The following DCC variants were observed in gnomAD, a reference collection of about 807,000 sequenced individuals.
DCC encodes netrin receptor DCC.
Under a neutral mutation model 172.5 loss-of-function variants are expected in DCC, and 58 were observed. The observed-to-expected ratio is 0.34, with a 90% confidence interval of 0.27 to 0.42. The LOEUF (loss-of-function observed/expected upper bound fraction) is 0.42, where lower values mean the gene tolerates loss of function less well. Ranked by LOEUF, DCC falls within the 10% of genes least tolerant of loss-of-function variation. The probability of loss-of-function intolerance (pLI) is 1.00; values close to 1 mark genes in which losing one functional copy is unlikely to be tolerated. For synonymous variants in DCC, 709 were observed against 644.5 expected, an observed-to-expected ratio of 1.10 and a Z score of -1.52; for missense variants, 1,740 against 1,791.0, an observed-to-expected ratio of 0.97 and a Z score of 0.51.
chr18:53,259,275 C>T (rs554242051), intron 12 of DCC, among the ~76,000 whole-genome samples: 4 of 152,238 alleles, frequency 2.6e-5, no homozygotes, highest in East Asian at 1.9e-4. Flanking sequence ...GGTTATTTTG[C>T]TCATTAGTTG....
chr18:53,487,847 G>A (rs958642558), intron 26 of DCC, among the ~76,000 whole-genome samples: 14 of 151,954 alleles, frequency 9.2e-5, no homozygotes, highest in East Asian at 3.9e-4. Flanking sequence ...GCAAAAACTC[G>A]AGGAAAAATA....
chr18:52,548,414 A>G (rs1252259722), intron 1 of DCC, among the ~76,000 whole-genome samples: 1 of 152,114 alleles, frequency 6.6e-6, no homozygotes, highest in Non-Finnish European at 1.5e-5. Context: ...GAAGACTTTC[A>G]AGGCTAAAAC....
chr18:52,784,336 C>G (rs1371508288), intron 2 of DCC, among the ~76,000 whole-genome samples: 1 of 152,006 alleles, frequency 6.6e-6, no homozygotes, highest in Non-Finnish European at 1.5e-5. Flanking sequence ...TACTTAGATT[C>G]CTATCTTGGC....
At chr18:52,944,167 G>T (rs1197709748) in intron 5 of DCC, among the ~76,000 whole-genome samples, 1 of 152,126 alleles carries the variant, frequency 6.6e-6, no homozygotes, top group Non-Finnish European at 1.5e-5. Flanking sequence ...TTTACACAAG[G>T]AATAAGAAAA....
At chr18:52,847,987 G>A (rs1431750) in intron 2 of DCC, among the ~76,000 whole-genome samples, 4,071 of 151,772 alleles carry the variant, frequency 0.027, 162 homozygotes, top group African/African-American at 0.09. Context: ...ATTTAAGTCT[G>A]ATAAATTACC....
At chr18:52,439,332 C>G (rs993974930) in intron 1 of DCC, among the ~76,000 whole-genome samples, 1 of 151,930 alleles carries the variant, frequency 6.6e-6, no homozygotes, top group African/African-American at 2.4e-5. Context: ...AAGTATACTA[C>G]CCACACTGCA....
chr18:52,451,039 A>G (rs57776084), intron 1 of DCC, among the ~76,000 whole-genome samples: 3,540 of 152,294 alleles, frequency 0.023, 128 homozygotes, highest in African/African-American at 0.081. Flanking sequence ...AGGTTAGGTG[A>G]CCAGCTATTG....
chr18:53,279,225 T>C (rs372730697), intron 12 of DCC, among the ~76,000 whole-genome samples: 4 of 152,016 alleles, frequency 2.6e-5, no homozygotes, highest in East Asian at 1.9e-4. Context: ...CTATTCACAA[T>C]AGCAAAGACT....
chr18:53,463,810 T>A (rs1401072975), intron 24 of DCC, among the ~76,000 whole-genome samples: 1 of 152,248 alleles, frequency 6.6e-6, no homozygotes, highest in African/African-American at 2.4e-5. Context: ...TTTCTTGTTT[T>A]GCGCCCATGA....
intron 7 of DCC, among the ~76,000 whole-genome samples, chr18:53,153,227 G>A (rs922690322): frequency 6.6e-6 from 1 of 152,054 alleles, no homozygotes; most frequent in African/African-American, 2.4e-5. Flanking sequence ...TTAAAAATAC[G>A]TTTCTCAAAA....
At chr18:53,038,199 T>C (rs2143986101) in intron 5 of DCC, among the ~76,000 whole-genome samples, 1 of 152,146 alleles carries the variant, frequency 6.6e-6, no homozygotes, top group South Asian at 2.1e-4. Context: ...CTAAACTTAC[T>C]TGTACAGTAA....
intron 12 of DCC, among the ~76,000 whole-genome samples, chr18:53,235,333 G>C (rs1459302742): frequency 1.3e-5 from 2 of 152,148 alleles, no homozygotes; most frequent in African/African-American, 2.4e-5. Context: ...CCTGTCTGCT[G>C]TCTCACTTTA....
In DCC at chr18:53,307,897, GTATATATATATATATATATATATA is replaced by G. The variant is rs771876514; in HGVS notation, c.2053+2208_2053+2231del. 1.0e-3 allele frequency among the ~76,000 whole-genome samples: 69 copies of G among 67,426 alleles called. 5 individuals are homozygous for G. Among genetic ancestry groups the G allele is most frequent in the South Asian group, 3.4e-3 (7 of 2,076 alleles). 44.2% of individuals were successfully genotyped at this position (67,426 alleles called of 152,430 possible). A position where few individuals can be genotyped will look rare whatever the true frequency, so the allele number is the denominator to read the frequency against. On this transcript the variant is annotated intron_variant, in intron 13 of 28. Coordinates refer to ENST00000442544, the MANE Select transcript of DCC (RefSeq NM_005215.4). ...CTTCTGGAAAGCAATGTGTGTGTAT[GTATATATATATATATATATATATA>G]TATATATATATATATATATATATAT...
chr18:53,385,118 G>A, intron 15 of DCC, among the ~76,000 whole-genome samples: 1 of 144,134 alleles, frequency 6.9e-6, no homozygotes, highest in Non-Finnish European at 1.5e-5. Flanking sequence ...TATGTAATTT[G>A]TTTTTCCTGT....
At chr18:52,787,250 T>C (rs2037677018) in intron 2 of DCC, among the ~76,000 whole-genome samples, 1 of 152,166 alleles carries the variant, frequency 6.6e-6, no homozygotes, top group African/African-American at 2.4e-5. Context: ...ATAAGTCCCA[T>C]ACATTCTTTC....
chr18:53,129,470 C>T (rs944375381), intron 7 of DCC, among the ~76,000 whole-genome samples: 4 of 152,060 alleles, frequency 2.6e-5, no homozygotes, highest in Non-Finnish European at 2.9e-5. Context: ...TGGTCCTATA[C>T]ATAAGTTTAT....
chr18:52,389,776 C>A (rs2144345791), intron 1 of DCC, among the ~76,000 whole-genome samples: 1 of 152,072 alleles, frequency 6.6e-6, no homozygotes, highest in South Asian at 2.1e-4. Context: ...CTCCCTAGGT[C>A]CTCCATCATT....
At chr18:53,107,115 G>A (rs1412245759) in intron 7 of DCC, among the ~76,000 whole-genome samples, 1 of 151,734 alleles carries the variant, frequency 6.6e-6, no homozygotes, top group African/African-American at 2.4e-5. Context: ...CTAACTTCCT[G>A]AGAATGCAGC....
chr18:53,455,204 G>A (rs1008120189), intron 23 of DCC, among the ~76,000 whole-genome samples: 1 of 152,168 alleles, frequency 6.6e-6, no homozygotes, highest in Non-Finnish European at 1.5e-5. Flanking sequence ...CCTATCAGAT[G>A]TTGGGCATGT....
Sources: allele counts gnomAD v4.1 joint callset (sites outside exome capture counted in the v4.1 genomes callset), GRCh38; gene constraint gnomAD v4.1.1; transcripts MANE v1.5; gene names NCBI Gene and HGNC (gene_info 2026-07-23, HGNC 2026-07-21).